The following AGFG2 variants were observed in gnomAD, a reference collection of about 807,000 sequenced individuals.
The protein encoded by AGFG2 is arf-GAP domain and FG repeat-containing protein 2.
A neutral mutation model predicts 48.0 loss-of-function variants in AGFG2; 31 were observed. That is an observed-to-expected ratio of 0.65 (90% confidence interval 0.49 to 0.87). The LOEUF is 0.87. AGFG2 is among the 40% of genes least tolerant of loss of function. The pLI is 0.00. For missense variants in AGFG2, 599 were observed against 632.6 expected, an observed-to-expected ratio of 0.95 and a Z score of 0.57; for synonymous variants, 229 against 260.8, an observed-to-expected ratio of 0.88 and a Z score of 1.18.
rs183264062 is a variant in AGFG2, at chr7:100,542,837, C to T, written c.221+3270C>T. 7.2e-5 allele frequency among the ~76,000 whole-genome samples: 11 copies of T among 152,256 alleles called. No homozygotes were observed. In the East Asian group the frequency reaches 2.1e-3, roughly 29 times the overall value. ...CTGACAGCCTGCATGTTTATTCATT[C>T]GGTCAGTCAACACGAACTTATTCAG... is the stretch of plus-strand genomic sequence containing the variant. On this transcript the variant is annotated intron_variant, in intron 1 of 11. Transcript: ENST00000300176.
intron 6 of AGFG2, among the ~76,000 whole-genome samples, chr7:100,557,591 T>A (rs1401358703): frequency 6.6e-6 from 1 of 152,090 alleles, no homozygotes; most frequent in Non-Finnish European, 1.5e-5. Flanking sequence ...CATGCCACCA[T>A]GCCCGGCTAA....
chr7:100,555,780 A>C (rs1800747965), intron 6 of AGFG2, 45 bp downstream of exon 6: 1 of 1,608,106 alleles, frequency 6.2e-7, no homozygotes, highest in South Asian at 1.1e-5. Flanking sequence ...AACCGTGTCC[A>C]TTTGTTCATG....
chr7:100,550,537 T>G (rs372318437), intron 3 of AGFG2, 26 bp downstream of exon 3: 16 of 1,547,806 alleles, frequency 1.0e-5, no homozygotes, highest in Middle Eastern at 1.7e-4. Context: ...GAGGTTGCTA[T>G]GGAAACGTGT....
intron 9 of AGFG2, among the ~76,000 whole-genome samples, chr7:100,563,321 G>A (rs183588713): frequency 2.1e-4 from 32 of 152,256 alleles, no homozygotes; most frequent in Admixed American, 7.8e-4. Flanking sequence ...ATCAACTCCA[G>A]GCCTGTTGTC....
chr7:100,564,445 G>A, intron 11 of AGFG2, 142 bp downstream of exon 11: 2 of 840,748 alleles, frequency 2.4e-6, no homozygotes, highest in Non-Finnish European at 3.7e-6. Flanking sequence ...GCTGAGCTTG[G>A]GCCTCAGCTC....
intron 11 of AGFG2, 21 bp from the exon 12 acceptor site, chr7:100,564,911 T>C (rs761037345): frequency 2.3e-5 from 37 of 1,613,100 alleles, no homozygotes; most frequent in Non-Finnish European, 2.9e-5. Context: ...AACTGGAAAA[T>C]GTATTGTTCT....
chr7:100,560,808 CTTTTT>C (rs66837050), intron 6 of AGFG2, among the ~76,000 whole-genome samples: 6 of 112,838 alleles, frequency 5.3e-5, no homozygotes, highest in African/African-American at 2.2e-4. Flanking sequence ...GAAGATCTCC[CTTTTT>C]TTTTTTTTTT....
intron 1 of AGFG2, among the ~76,000 whole-genome samples, chr7:100,545,195 A>C (rs535348763): frequency 6.6e-6 from 1 of 152,290 alleles, no homozygotes; most frequent in African/African-American, 2.4e-5. Flanking sequence ...AATGAAAAAG[A>C]ACTTGGGTGC....
chr7:100,548,978 G>A, intron 2 of AGFG2, 63 bp downstream of exon 2: 2 of 1,349,178 alleles, frequency 1.5e-6, no homozygotes, highest in Non-Finnish European at 2.1e-6. Context: ...TTTGCCTCAA[G>A]ATTGTAGGGA....
intron 6 of AGFG2, among the ~76,000 whole-genome samples, chr7:100,561,670 G>A (rs1800877429): frequency 6.6e-6 from 1 of 152,260 alleles, no homozygotes; most frequent in Non-Finnish European, 1.5e-5. Context: ...TGGCTCTGAA[G>A]AAGAGGCAGG....
chr7:100,556,742 T>A, intron 6 of AGFG2: 1 of 818,392 alleles, frequency 1.2e-6, no homozygotes, highest in Non-Finnish European at 1.7e-6. Flanking sequence ...TTAAGCAATT[T>A]CCCTAGTCAT....
chr7:100,539,673 C>A lies in AGFG2; in HGVS notation c.221+106C>A, dbSNP rs1248886588. On this transcript the variant is annotated intron_variant, in intron 1 of 11. Transcript: ENST00000300176. ...GAGGGAAGGGGGCCGAGGTGAGGGG[C>A]GGAGGGGAGGTCAGGGAACGCGCCG... is the stretch of plus-strand genomic sequence containing the variant. 27 of 709,136 alleles carry A rather than the reference C, an allele frequency of 3.8e-5. No individual in the cohort carries two copies. The African/African-American group carries it at 4.9e-4, about 13-fold the overall frequency. 43.9% of individuals were successfully genotyped at this position (709,136 alleles called of 1,614,324 possible).
Position 100,556,622 on chromosome 7 carries a change from CT to C in AGFG2, c.877+890del, listed in dbSNP as rs34189461. 3.1e-6 allele frequency: 4 copies of C among 1,289,300 alleles called. No individual in the cohort carries two copies. In the African/African-American group the frequency reaches 6.1e-5, roughly 20 times the overall value. 79.9% of individuals were successfully genotyped at this position (1,289,300 alleles called of 1,614,324 possible). A position where few individuals can be genotyped will look rare whatever the true frequency, so the allele number is the denominator to read the frequency against. Reference sequence around the variant, plus strand: ...GTCGGATGCTAACTGAAAGTTACAGCTTTGGTAAGTTATTATCCCCACCCCA... The same window carrying C: ...GTCGGATGCTAACTGAAAGTTACAGCTTGGTAAGTTATTATCCCCACCCCA... On this transcript the variant is annotated intron_variant, in intron 6 of 11. Coordinates refer to ENST00000300176, the MANE Select transcript of AGFG2 (RefSeq NM_006076.5).
At chr7:100,563,674 G>A (rs1800930807) in intron 9 of AGFG2, among the ~76,000 whole-genome samples, 160 bp from the exon 10 acceptor site, 1 of 152,176 alleles carries the variant, frequency 6.6e-6, no homozygotes, top group African/African-American at 2.4e-5. Context: ...AGGGTTGTTT[G>A]GTGGTGTGAG....
At chr7:100,545,843 G>C (rs968730960) in intron 1 of AGFG2, among the ~76,000 whole-genome samples, 8 of 152,178 alleles carry the variant, frequency 5.3e-5, no homozygotes, top group Admixed American at 3.9e-4. Context: ...TAGCTACCAG[G>C]AGGAAGGGGG....
In AGFG2 at chr7:100,563,985, C is replaced by A. The variant is rs548829633; in HGVS notation, c.1300+23C>A. 29 of 1,602,472 alleles carry A rather than the reference C, an allele frequency of 1.8e-5. No homozygotes were observed. The East Asian group carries it at 6.5e-4, about 36-fold the overall frequency. On this transcript the variant is annotated intron_variant, in intron 10 of 11. Coordinates refer to ENST00000300176, the MANE Select transcript of AGFG2 (RefSeq NM_006076.5). ...ATGGTAAGAGCTGTAGATGGACAAA[C>A]CCTTTCACCCCATCCCATCTCTGCA... is the stretch of plus-strand genomic sequence containing the variant.
intron 6 of AGFG2, among the ~76,000 whole-genome samples, chr7:100,559,884 C>T (rs186662523): frequency 2.0e-5 from 3 of 152,204 alleles, no homozygotes; most frequent in Admixed American, 1.3e-4. Context: ...CTTGGGCCAC[C>T]GCCTCCTTTG....
At chr7:100,552,518 C>T (rs1800667046) in intron 3 of AGFG2, among the ~76,000 whole-genome samples, 1 of 152,236 alleles carries the variant, frequency 6.6e-6, no homozygotes, top group Non-Finnish European at 1.5e-5. Flanking sequence ...ACAGCATCTC[C>T]ATTCTCCCTT....
Position 100,540,119 on chromosome 7 carries a change from T to TAA in AGFG2, c.221+567_221+568dup, listed in dbSNP as rs375004765. 2.4e-3 allele frequency among the ~76,000 whole-genome samples: 297 copies of TAA among 126,008 alleles called. 3 individuals are homozygous for TAA. The highest frequency in any genetic ancestry group is 8.3e-3 in the African/African-American group (280 of 33,718). The allele number at this position is 126,008 out of a possible 152,430, so 82.7% of individuals were successfully genotyped here. On this transcript the variant is annotated intron_variant, in intron 1 of 11. Coordinates refer to ENST00000300176, the MANE Select transcript of AGFG2 (RefSeq NM_006076.5). ...AATTCCTATGATTAGAGTACAGGAT[T>TAA]AAAAAAAAAAAAAAAAGCGAATTAA...
Sources: allele counts gnomAD v4.1 joint callset (sites outside exome capture counted in the v4.1 genomes callset), GRCh38; gene constraint gnomAD v4.1.1; transcripts MANE v1.5; gene names NCBI Gene and HGNC (gene_info 2026-07-23, HGNC 2026-07-21).